Variants in MACROD2 observed in about 807,000 individuals in gnomAD.
MACROD2 encodes the protein ADP-ribose glycohydrolase MACROD2.
Under a neutral mutation model 70.4 loss-of-function variants are expected in MACROD2, and 36 were observed. The ratio of observed to expected loss-of-function variants is 0.51; its 90% confidence interval spans 0.39 to 0.68. The LOEUF (loss-of-function observed/expected upper bound fraction) is 0.68, where lower values mean the gene tolerates loss of function less well. MACROD2 is among the 30% of genes least tolerant of loss of function. The pLI, the probability that MACROD2 is intolerant of heterozygous loss-of-function variation, is 0.00. For missense variants in MACROD2, 496 were observed against 538.4 expected, an observed-to-expected ratio of 0.92 and a Z score of 0.78; for synonymous variants, 172 against 178.8, an observed-to-expected ratio of 0.96 and a Z score of 0.30.
chr20:15,021,474 CTATA>C (rs940572514), intron 5 of MACROD2: 5 of 149,372 alleles, frequency 3.3e-5, no homozygotes, highest in Non-Finnish European at 7.4e-5. Flanking sequence ...ATATAGGAGA[CTATA>C]TATATGCACA....
intron 6 of MACROD2, among the ~76,000 whole-genome samples, chr20:15,268,917 C>G (rs1055408671): frequency 6.6e-6 from 1 of 152,154 alleles, no homozygotes; most frequent in African/African-American, 2.4e-5. Context: ...TATGAAGCAG[C>G]CAACCATGAA....
At chr20:14,019,061 A>G (rs532802928) in intron 2 of MACROD2, among the ~76,000 whole-genome samples, 4 of 151,720 alleles carry the variant, frequency 2.6e-5, no homozygotes, top group Non-Finnish European at 5.9e-5. Flanking sequence ...AAAACAGGGC[A>G]CTCCTTGCTT....
At chr20:14,723,857 A>C (rs894456913) in intron 5 of MACROD2, among the ~76,000 whole-genome samples, 9 of 151,400 alleles carry the variant, frequency 5.9e-5, no homozygotes, top group African/African-American at 2.2e-4. Flanking sequence ...GAACATGACC[A>C]CTCTTCTAGT....
chr20:14,498,330 T>C (rs2084878097), intron 4 of MACROD2, among the ~76,000 whole-genome samples: 1 of 152,206 alleles, frequency 6.6e-6, no homozygotes, highest in East Asian at 1.9e-4. Context: ...TCATAAACCA[T>C]GTGCTGTTAT....
At chr20:14,402,862 G>A (rs2083652697) in intron 3 of MACROD2, among the ~76,000 whole-genome samples, 1 of 152,204 alleles carries the variant, frequency 6.6e-6, no homozygotes, top group South Asian at 2.1e-4. Flanking sequence ...TGAACATTGG[G>A]GCTGTGTTTT....
At chr20:15,103,115 G>A (rs2075885571) in intron 5 of MACROD2, among the ~76,000 whole-genome samples, 1 of 152,090 alleles carries the variant, frequency 6.6e-6, no homozygotes, top group Non-Finnish European at 1.5e-5. Flanking sequence ...GGAATACACA[G>A]ATCTCAATTT....
intron 4 of MACROD2, among the ~76,000 whole-genome samples, chr20:14,545,807 T>C (rs2085485481): frequency 2.0e-5 from 3 of 152,144 alleles, no homozygotes; most frequent in Admixed American, 6.5e-5. Context: ...TGGGAAGCAG[T>C]GAAGGTGTCT....
At chr20:14,469,164 T>C (rs1311227136) in intron 3 of MACROD2, among the ~76,000 whole-genome samples, 2 of 152,066 alleles carry the variant, frequency 1.3e-5, no homozygotes, top group East Asian at 3.8e-4. Context: ...CTGTAAAGGA[T>C]TTTTTTTCTC....
intron 6 of MACROD2, among the ~76,000 whole-genome samples, chr20:15,402,644 GTT>G (rs1261367959): frequency 6.6e-6 from 1 of 152,200 alleles, no homozygotes; most frequent in Non-Finnish European, 1.5e-5. Context: ...GTACAGGGTA[GTT>G]TTTCTGGGAA....
chr20:15,942,741 CTG>C (rs2065767396), intron 12 of MACROD2, among the ~76,000 whole-genome samples: 1 of 152,098 alleles, frequency 6.6e-6, no homozygotes, highest in Non-Finnish European at 1.5e-5. Context: ...ATAATATGCT[CTG>C]TTCTAGTTTT....
intron 5 of MACROD2, among the ~76,000 whole-genome samples, chr20:14,885,929 G>C (rs565247099): frequency 2.0e-5 from 3 of 152,156 alleles, no homozygotes; most frequent in African/African-American, 7.2e-5. Flanking sequence ...GCCAGGCACT[G>C]TTCCAGGCCC....
At chr20:15,032,876 G>A (rs1321338329) in intron 5 of MACROD2, among the ~76,000 whole-genome samples, 1 of 152,186 alleles carries the variant, frequency 6.6e-6, no homozygotes, top group African/African-American at 2.4e-5. Flanking sequence ...ATATCCATAA[G>A]ACAGAACATC....
intron 3 of MACROD2, among the ~76,000 whole-genome samples, chr20:14,354,746 T>C (rs204620): frequency 0.091 from 13,776 of 152,184 alleles, 1,285 homozygotes; most frequent in African/African-American, 0.24. Context: ...TTTTCAACCC[T>C]TGTTCCCCTC....
intron 5 of MACROD2, among the ~76,000 whole-genome samples, chr20:14,838,364 G>A (rs2073052774): frequency 6.6e-6 from 1 of 151,976 alleles, no homozygotes; most frequent in Non-Finnish European, 1.5e-5. Context: ...AATTTAATAA[G>A]GCAGAACATT....
intron 8 of MACROD2, among the ~76,000 whole-genome samples, chr20:15,580,464 A>G (rs74401389): frequency 0.014 from 2,168 of 152,272 alleles, 54 homozygotes; most frequent in African/African-American, 0.048. Flanking sequence ...AGAATTAGCT[A>G]TGTTAATGGT....
chr20:15,311,298 A>G (rs2077749942), intron 6 of MACROD2, among the ~76,000 whole-genome samples: 1 of 152,208 alleles, frequency 6.6e-6, no homozygotes, highest in South Asian at 2.1e-4. Context: ...CAAAACAACA[A>G]TAACAAAAAC....
intron 8 of MACROD2, among the ~76,000 whole-genome samples, chr20:15,701,693 G>A (rs538046452): frequency 7.2e-5 from 11 of 152,192 alleles, no homozygotes; most frequent in East Asian, 1.9e-4. Context: ...GATTCAGGGC[G>A]TACATATGCA....
intron 8 of MACROD2, among the ~76,000 whole-genome samples, chr20:15,571,968 A>G (rs1044661067): frequency 3.3e-5 from 5 of 152,072 alleles, no homozygotes; most frequent in African/African-American, 1.2e-4. Flanking sequence ...TATTTTGACC[A>G]GTTTTTTGTT....
intron 3 of MACROD2, among the ~76,000 whole-genome samples, chr20:14,350,981 C>T (rs2083117889): frequency 6.6e-6 from 1 of 152,138 alleles, no homozygotes; most frequent in Admixed American, 6.5e-5. Context: ...ATTCAGTTTT[C>T]CCAGGACAAA....
Sources: allele counts gnomAD v4.1 joint callset (sites outside exome capture counted in the v4.1 genomes callset), GRCh38; gene constraint gnomAD v4.1.1; transcripts MANE v1.5; gene names NCBI Gene and HGNC (gene_info 2026-07-23, HGNC 2026-07-21).